The following NLGN1 variants were observed in gnomAD, a reference collection of about 807,000 sequenced individuals.
NLGN1 encodes neuroligin-1.
Under a neutral mutation model 65.5 loss-of-function variants are expected in NLGN1, and 12 were observed. The ratio of observed to expected loss-of-function variants is 0.18; its 90% confidence interval spans 0.12 to 0.30. NLGN1 has a LOEUF of 0.30. NLGN1 is among the 10% of genes least tolerant of loss of function. The pLI, the probability that NLGN1 is intolerant of heterozygous loss-of-function variation, is 1.00. For missense variants in NLGN1, 750 were observed against 1,007.1 expected (o/e 0.74, Z 3.46); for synonymous variants, 350 against 359.5 (o/e 0.97, Z 0.30).
At chr3:173,467,730 G>A (rs1724605315) in intron 2 of NLGN1, among the ~76,000 whole-genome samples, 1 of 152,090 alleles carries the variant, frequency 6.6e-6, no homozygotes, top group African/African-American at 2.4e-5. Context: ...TAAATAACTA[G>A]GTCAAAGTTG....
intron 3 of NLGN1, among the ~76,000 whole-genome samples, chr3:173,801,284 G>T (rs977871476): frequency 1.3e-5 from 2 of 151,902 alleles, no homozygotes; most frequent in African/African-American, 4.8e-5. Context: ...GTGTTAAAGT[G>T]AGCTCATCTT....
intron 2 of NLGN1, among the ~76,000 whole-genome samples, chr3:173,515,716 A>G (rs1309339739): frequency 1.3e-5 from 2 of 152,106 alleles, no homozygotes; most frequent in African/African-American, 4.8e-5. Flanking sequence ...TTTTTACAAT[A>G]CCATTTGTGA....
At chr3:173,869,838 G>A (rs1192766637) in intron 4 of NLGN1, among the ~76,000 whole-genome samples, 10 of 151,634 alleles carry the variant, frequency 6.6e-5, no homozygotes, top group Admixed American at 6.6e-4. Context: ...ATTTTTTTTT[G>A]CTGTTTGCAT....
chr3:173,701,478 T>C (rs1767156002), intron 3 of NLGN1, among the ~76,000 whole-genome samples: 1 of 152,156 alleles, frequency 6.6e-6, no homozygotes, highest in South Asian at 2.1e-4. Flanking sequence ...AACTCATTCT[T>C]ATAGAGCCTC....
At chr3:174,188,642 A>G (rs1452959090) in intron 4 of NLGN1, among the ~76,000 whole-genome samples, 4 of 152,024 alleles carry the variant, frequency 2.6e-5, no homozygotes, top group African/African-American at 9.7e-5. Flanking sequence ...CCCTACTACT[A>G]AACTGCTACC....
chr3:174,219,905 A>T (rs1273123483), intron 4 of NLGN1, among the ~76,000 whole-genome samples: 1 of 152,136 alleles, frequency 6.6e-6, no homozygotes, highest in East Asian at 1.9e-4. Flanking sequence ...GTTTTTCCAG[A>T]TATCAGCATT....
chr3:173,713,613 C>A (rs765256626), intron 3 of NLGN1, among the ~76,000 whole-genome samples: 4 of 151,978 alleles, frequency 2.6e-5, no homozygotes, highest in African/African-American at 4.8e-5. Flanking sequence ...TAGCTTATTT[C>A]ACTGTTTACT....
chr3:173,949,742 C>G (rs996534979), intron 4 of NLGN1, among the ~76,000 whole-genome samples: 3 of 152,006 alleles, frequency 2.0e-5, no homozygotes, highest in Admixed American at 1.3e-4. Context: ...TAAATAGAAC[C>G]AGAATTTATA....
At chr3:173,822,472 T>C (rs1166720406) in intron 4 of NLGN1, among the ~76,000 whole-genome samples, 1 of 152,192 alleles carries the variant, frequency 6.6e-6, no homozygotes, top group Non-Finnish European at 1.5e-5. Flanking sequence ...TCCAAAAATC[T>C]AATATCTGAA....
chr3:173,844,363 T>C (rs1420031221), intron 4 of NLGN1, among the ~76,000 whole-genome samples: 1 of 152,210 alleles, frequency 6.6e-6, no homozygotes, highest in Admixed American at 6.5e-5. Flanking sequence ...GTGCCTTACT[T>C]ATTTTGTTTT....
At chr3:174,253,432 CTG>C (rs1298506129) in intron 4 of NLGN1, among the ~76,000 whole-genome samples, 1 of 152,154 alleles carries the variant, frequency 6.6e-6, no homozygotes, top group Admixed American at 6.6e-5. Flanking sequence ...ATATCAGTCT[CTG>C]TGCCTTCCGG....
chr3:174,202,160 T>C (rs1561280617), intron 4 of NLGN1, among the ~76,000 whole-genome samples: 1 of 152,124 alleles, frequency 6.6e-6, no homozygotes. Flanking sequence ...CTGTGCACAG[T>C]ACTATGGTAC....
chr3:173,420,479 G>A (rs971645730), intron 1 of NLGN1, among the ~76,000 whole-genome samples: 10 of 152,064 alleles, frequency 6.6e-5, no homozygotes, highest in African/African-American at 2.4e-4. Flanking sequence ...GTCTATCATT[G>A]TTGGACATTT....
At chr3:173,531,564 T>TACACACACACACACAC (rs147720926) in intron 2 of NLGN1, among the ~76,000 whole-genome samples, 7,584 of 148,124 alleles carry the variant, frequency 0.051, 233 homozygotes, top group Admixed American at 0.073. Context: ...CTGTGTGAAA[T>TACACACACACACACAC]ACACACACAC....
chr3:173,458,702 C>T (rs889844730), intron 2 of NLGN1, among the ~76,000 whole-genome samples: 1 of 151,938 alleles, frequency 6.6e-6, no homozygotes, highest in Non-Finnish European at 1.5e-5. Flanking sequence ...TACTGAATAC[C>T]CAGATACAAG....
At chr3:173,562,904 A>G (rs749171504) in intron 2 of NLGN1, among the ~76,000 whole-genome samples, 10 of 152,154 alleles carry the variant, frequency 6.6e-5, no homozygotes, top group East Asian at 1.9e-4. Flanking sequence ...TCTTTTGGCT[A>G]TCTCCACCAA....
At chr3:173,517,794 C>CTATCTATCTATCTATT (rs758010757) in intron 2 of NLGN1, among the ~76,000 whole-genome samples, 210 of 151,596 alleles carry the variant, frequency 1.4e-3, no homozygotes, top group Non-Finnish European at 1.6e-3. Context: ...ATCTATCTAT[C>CTATCTATCTATCTATT]TATCTATCAT....
At chr3:173,964,611 C>T (rs940272377) in intron 4 of NLGN1, among the ~76,000 whole-genome samples, 5 of 152,126 alleles carry the variant, frequency 3.3e-5, no homozygotes, top group African/African-American at 1.2e-4. Context: ...GCTAGAAAAA[C>T]TAATTTTTCT....
chr3:173,675,164 AG>A (rs1229817630), intron 3 of NLGN1, among the ~76,000 whole-genome samples: 15 of 152,276 alleles, frequency 9.9e-5, no homozygotes, highest in African/African-American at 3.4e-4. Context: ...AGCAGCAGAA[AG>A]GAAAAAAATC....
Sources: allele counts gnomAD v4.1 joint callset (sites outside exome capture counted in the v4.1 genomes callset), GRCh38; gene constraint gnomAD v4.1.1; transcripts MANE v1.5; gene names NCBI Gene and HGNC (gene_info 2026-07-23, HGNC 2026-07-21).